Variants in REEP5 observed in about 807,000 individuals in gnomAD.
The protein encoded by REEP5 is receptor expression-enhancing protein 5.
In REEP5, 24 loss-of-function variants were observed where a neutral mutation model predicts 22.4. The observed-to-expected ratio is 1.07, with a 90% CI of 0.78 to 1.51. The LOEUF is 1.51. Ranked by LOEUF, REEP5 falls within the 40% of genes most tolerant of loss-of-function variation. REEP5 has a pLI of 0.00. For synonymous variants in REEP5, 103 were observed against 88.6 expected, an observed-to-expected ratio of 1.16 and a Z score of -0.92; for missense variants, 252 against 233.0, an observed-to-expected ratio of 1.08 and a Z score of -0.53.
At position 112,878,620 on chromosome 5, in the gene REEP5, A is replaced by G; in HGVS notation, c.*166T>C. 6 of 988,858 alleles carry G rather than the reference A, an allele frequency of 6.1e-6. No homozygotes were observed. The highest frequency in any genetic ancestry group is 8.8e-6 in the Non-Finnish European group (6 of 680,958). The allele number at this position is 988,858 out of a possible 1,614,324, so 61.3% of individuals were successfully genotyped here. A position where few individuals can be genotyped will look rare whatever the true frequency, so the allele number is the denominator to read the frequency against. ...AGTTTAAAGTGCTCCCTATATATAT[A>G]GACAGTAAAAGTAAGCAAAGAAACT... On this transcript the variant is annotated 3_prime_UTR_variant, in exon 5 of 5. Coordinates refer to ENST00000379638, the MANE Select transcript of REEP5 (RefSeq NM_005669.5).
chr5:112,903,923 T>C (rs1259057383), intron 2 of REEP5, among the ~76,000 whole-genome samples: 1 of 152,224 alleles, frequency 6.6e-6, no homozygotes, highest in Non-Finnish European at 1.5e-5. Context: ...CTCAAACTTC[T>C]GGGCTTATGT....
At chr5:112,893,939 G>C (rs1225375368) in intron 3 of REEP5, 2 of 152,104 alleles carry the variant, frequency 1.3e-5, no homozygotes, top group Non-Finnish European at 2.9e-5. Context: ...TCAGAACCTT[G>C]GTTTTTTTGA....
chr5:112,901,512 C>T (rs1370818286), intron 3 of REEP5, among the ~76,000 whole-genome samples: 1 of 151,920 alleles, frequency 6.6e-6, no homozygotes, highest in Non-Finnish European at 1.5e-5. Context: ...AGTTCGAGAG[C>T]ACCCTGGCCA....
intron 3 of REEP5, chr5:112,891,901 CAAG>C (rs1393728957): frequency 1.5e-6 from 2 of 1,324,872 alleles, no homozygotes; most frequent in Non-Finnish European, 2.2e-6. Flanking sequence ...GCAGAAGGCA[CAAG>C]AAGAATTCAG....
chr5:112,892,167 T>G (rs61995948), intron 3 of REEP5: 3 of 1,614,090 alleles, frequency 1.9e-6, no homozygotes, highest in Non-Finnish European at 2.5e-6. Flanking sequence ...ATCGAGCTAA[T>G]TGTCCCTTCT....
At chr5:112,915,880 T>TTCA (rs1554094969) in intron 2 of REEP5, among the ~76,000 whole-genome samples, 10 of 133,822 alleles carry the variant, frequency 7.5e-5, no homozygotes, top group African/African-American at 2.7e-4. Flanking sequence ...AATTACAATT[T>TTCA]AAAAAAAAAA....
intron 3 of REEP5, among the ~76,000 whole-genome samples, chr5:112,888,459 G>A (rs1276938451): frequency 6.6e-6 from 1 of 152,134 alleles, no homozygotes; most frequent in Non-Finnish European, 1.5e-5. Context: ...GTCTTGCTCT[G>A]TCACCCAGGC....
intron 4 of REEP5, among the ~76,000 whole-genome samples, chr5:112,884,567 G>A (rs1229974066): frequency 6.6e-6 from 1 of 151,736 alleles, no homozygotes; most frequent in South Asian, 2.1e-4. Flanking sequence ...TGTAGAGAGC[G>A]GGTCTCCATA....
At chr5:112,921,700 G>T in intron 1 of REEP5, 1 of 241,012 alleles carries the variant, frequency 4.1e-6, no homozygotes, top group South Asian at 6.1e-5. Flanking sequence ...CTCCACGGAG[G>T]GTCGGGTAGG....
intron 2 of REEP5, among the ~76,000 whole-genome samples, chr5:112,910,857 T>C (rs1292818994): frequency 6.6e-6 from 1 of 152,226 alleles, no homozygotes; most frequent in Non-Finnish European, 1.5e-5. Flanking sequence ...TATATACATG[T>C]ACCTGGCAAA....
chr5:112,883,175 T>G (rs184013846), intron 4 of REEP5, among the ~76,000 whole-genome samples: 1 of 152,400 alleles, frequency 6.6e-6, no homozygotes, highest in Non-Finnish European at 1.5e-5. Flanking sequence ...CTTCCAGTTA[T>G]AGCCCCATTC....
rs186640020 is a variant in REEP5, at chr5:112,893,037, G to A, written c.352-5854C>T. On this transcript the variant is annotated intron_variant, in intron 3 of 4. Transcript: ENST00000379638. ...GCCGAAGTCGTGGGAGGAGGAAGTC[G>A]GGTAATAGAGACAGAACTGTTCAGA... 9.1e-5 allele frequency: 134 copies of A among 1,477,554 alleles called. 1 individual carries two copies. In the Middle Eastern group the frequency reaches 1.2e-3, roughly 13 times the overall value. 91.5% of individuals were successfully genotyped at this position (1,477,554 alleles called of 1,614,324 possible). A position where few individuals can be genotyped will look rare whatever the true frequency, so the allele number is the denominator to read the frequency against.
In REEP5 at chr5:112,902,408, G is replaced by A. The variant is rs1768872082; in HGVS notation, c.323C>T (p.Ser108Leu). 1.9e-6 allele frequency: 3 copies of A among 1,613,026 alleles called. No homozygotes were observed. The highest frequency in any genetic ancestry group is 3.3e-4 in the Middle Eastern group (2 of 6,046). The part of the protein sequence containing the change: ...IAEFFSDIFL[S>L]WFPFYYMLKC... Reference sequence around the variant, plus strand: ...CAGCATGTAGTAGAAGGGGAACCATGACAGGAAGATATCAGAGAAGAATTC... The same window carrying A: ...CAGCATGTAGTAGAAGGGGAACCATAACAGGAAGATATCAGAGAAGAATTC... The change falls in exon 3 of 5, where the codon TCA becomes TTA. Residue 108 changes from serine (S) to leucine (L), a missense_variant. Coordinates refer to ENST00000379638, the MANE Select transcript of REEP5 (RefSeq NM_005669.5).
intron 4 of REEP5, among the ~76,000 whole-genome samples, chr5:112,880,173 G>T (rs1011608721): frequency 1.3e-5 from 2 of 152,130 alleles, no homozygotes; most frequent in Non-Finnish European, 2.9e-5. Context: ...AGCTTTGAGA[G>T]GCTGAGGTAG....
intron 2 of REEP5, among the ~76,000 whole-genome samples, chr5:112,909,512 T>C (rs139167298): frequency 3.2e-4 from 48 of 152,090 alleles, no homozygotes; most frequent in African/African-American, 1.1e-3. Flanking sequence ...CTACTCCAAA[T>C]CCCATATGCT....
At chr5:112,891,722 T>C (rs1419367968) in intron 3 of REEP5, 1 of 1,613,826 alleles carries the variant, frequency 6.2e-7, no homozygotes, top group Non-Finnish European at 8.5e-7. Flanking sequence ...AGGGCCGCCC[T>C]GAAGAAGGAG....
intron 2 of REEP5, among the ~76,000 whole-genome samples, chr5:112,915,377 G>C (rs1769209149): frequency 6.6e-6 from 1 of 152,094 alleles, no homozygotes; most frequent in Non-Finnish European, 1.5e-5. Flanking sequence ...CAGGCAAGCG[G>C]GCGAACCTTA....
chr5:112,877,311 TA>T lies in REEP5; in HGVS notation c.*1474del, dbSNP rs1394724817. 6.6e-6 allele frequency: 1 copy of T among 152,190 alleles called. No homozygotes were observed. The highest frequency in any genetic ancestry group is 1.5e-5 in the Non-Finnish European group (1 of 68,022). 9.4% of individuals were successfully genotyped at this position (152,190 alleles called of 1,614,324 possible). ...GTGAGCTAATCATCTTTATTTGCCTTAAAAAATACTGTACTGGCTGGATATT... is the reference window on the plus strand; with the variant it reads ...GTGAGCTAATCATCTTTATTTGCCTTAAAAATACTGTACTGGCTGGATATT... On this transcript the variant is annotated 3_prime_UTR_variant, in exon 5 of 5. Transcript: ENST00000379638.
chr5:112,908,100 T>TC lies in REEP5; in HGVS notation c.213-5583_213-5582insG, dbSNP rs1554094525. ...AGCATCAGAGACTTTCTTTGTTTTT[T>TC]GTTTTTTTTTTTTTTTTTTGATGGA... On this transcript the variant is annotated intron_variant, in intron 2 of 4. Transcript: ENST00000379638. 6.2e-3 allele frequency among the ~76,000 whole-genome samples: 606 copies of TC among 97,982 alleles called. 13 individuals are homozygous for TC. The highest frequency in any genetic ancestry group is 0.02 in the African/African-American group (588 of 29,696). The allele number at this position is 97,982 out of a possible 152,430, so 64.3% of individuals were successfully genotyped here.
Sources: allele counts gnomAD v4.1 joint callset (sites outside exome capture counted in the v4.1 genomes callset), GRCh38; gene constraint gnomAD v4.1.1; transcripts MANE v1.5; gene names NCBI Gene and HGNC (gene_info 2026-07-23, HGNC 2026-07-21).